The following NXPE3 variants were observed in gnomAD, a reference collection of about 807,000 sequenced individuals.
NXPE3 encodes the protein neurexophilin and PC-esterase domain family member 3, also known as NXPE family member 3.
NXPE3 carries 26 observed loss-of-function variants against 46.1 expected under a neutral mutation model. That is an observed-to-expected ratio of 0.56 (90% CI 0.41 to 0.78). The LOEUF (loss-of-function observed/expected upper bound fraction) is 0.78. Ranked by LOEUF, NXPE3 falls within the 30% of genes least tolerant of loss-of-function variation. NXPE3 has a pLI of 0.00. For missense variants in NXPE3, 620 were observed against 686.0 expected (o/e 0.90, Z 1.07); for synonymous variants, 272 against 257.9 (o/e 1.05, Z -0.52).
intron 5 of NXPE3, 71 bp downstream of exon 5, chr3:101,802,060 T>A: frequency 3.5e-6 from 5 of 1,435,450 alleles, no homozygotes; most frequent in Non-Finnish European, 4.7e-6. Context: ...TTTAGGAGAC[T>A]TTCTGGTATT....
intron 1 of NXPE3, 163 bp from the exon 2 acceptor site, chr3:101,781,947 T>G (rs1055419353): frequency 6.6e-6 from 1 of 152,210 alleles, no homozygotes; most frequent in African/African-American, 2.4e-5. Context: ...TAAATTACTG[T>G]TTTTTATTAG....
At position 101,825,381 on chromosome 3, in the gene NXPE3, G is replaced by A. The variant is rs1576797577; in HGVS notation, c.*3427G>A. 1.3e-5 allele frequency: 2 copies of A among 152,236 alleles called. No individual in the cohort carries two copies. The highest frequency in any genetic ancestry group is 1.3e-4 in the Admixed American group (2 of 15,290). 9.4% of individuals were successfully genotyped at this position (152,236 alleles called of 1,614,324 possible). A position where few individuals can be genotyped will look rare whatever the true frequency, so the allele number is the denominator to read the frequency against. ...GTTTCTTCTGAAAAGTTTATTTTAGGCTAGTGCCACATGGTTGTGAATATT... is the reference window on the plus strand; with the variant it reads ...GTTTCTTCTGAAAAGTTTATTTTAGACTAGTGCCACATGGTTGTGAATATT... On this transcript the variant is annotated 3_prime_UTR_variant, in exon 8 of 8. Coordinates refer to ENST00000273347, the MANE Select transcript of NXPE3 (RefSeq NM_145037.4).
At chr3:101,818,954 C>T (rs1048291595) in intron 7 of NXPE3, among the ~76,000 whole-genome samples, 3 of 150,782 alleles carry the variant, frequency 2.0e-5, no homozygotes, top group African/African-American at 4.9e-5. Flanking sequence ...TTAGTAGAGA[C>T]GGGTTTCACC....
chr3:101,788,624 C>CT (rs989721659), intron 4 of NXPE3, among the ~76,000 whole-genome samples: 10 of 151,282 alleles, frequency 6.6e-5, no homozygotes, highest in Admixed American at 1.3e-4. Flanking sequence ...AGCATTAAGT[C>CT]TTTTTTTTTG....
chr3:101,793,736 T>G (rs1940660686), intron 4 of NXPE3, among the ~76,000 whole-genome samples: 1 of 151,770 alleles, frequency 6.6e-6, no homozygotes, highest in Non-Finnish European at 1.5e-5. Flanking sequence ...TTTATTTTTA[T>G]TTTTGCTTTC....
chr3:101,808,818 G>GATAGATATATATATATAT (rs1553802986), intron 6 of NXPE3, among the ~76,000 whole-genome samples: 1 of 30,814 alleles, frequency 3.2e-5, no homozygotes, highest in African/African-American at 1.2e-4. Flanking sequence ...AATTTTAGAG[G>GATAGATATATATATATAT]ATATATATAT....
Position 101,825,087 on chromosome 3 carries a change from T to C in NXPE3, c.*3133T>C, listed in dbSNP as rs888361177. On this transcript the variant is annotated 3_prime_UTR_variant, in exon 8 of 8. Coordinates refer to ENST00000273347, the MANE Select transcript of NXPE3 (RefSeq NM_145037.4). ...ACGTCATGGGGGTTTGTTGTATAGA[T>C]GATTTCATCACCCAGGTGTTAAGCC... 1 of 152,220 alleles carries C rather than the reference T, an allele frequency of 6.6e-6. No homozygotes were observed. Among genetic ancestry groups the C allele is most frequent in the African/African-American group, 2.4e-5 (1 of 41,462 alleles). The allele number at this position is 152,220 out of a possible 1,614,324, so 9.4% of individuals were successfully genotyped here. A position where few individuals can be genotyped will look rare whatever the true frequency, so the allele number is the denominator to read the frequency against.
At chr3:101,786,788 A>G (rs1192732125) in intron 4 of NXPE3, among the ~76,000 whole-genome samples, 1 of 152,226 alleles carries the variant, frequency 6.6e-6, no homozygotes, top group African/African-American at 2.4e-5. Context: ...GTAAATAACT[A>G]ACATAGAATT....
chr3:101,779,854 G>C (rs999889987), intron 1 of NXPE3: 6 of 152,690 alleles, frequency 3.9e-5, no homozygotes, highest in African/African-American at 1.4e-4. Flanking sequence ...TCACACGGTG[G>C]ACTGTTCTGG....
intron 5 of NXPE3, among the ~76,000 whole-genome samples, chr3:101,804,615 G>T (rs1167116762): frequency 6.6e-6 from 1 of 152,132 alleles, no homozygotes; most frequent in Non-Finnish European, 1.5e-5. Context: ...GGATCTTTGG[G>T]TATACTGTTT....
Position 101,826,999 on chromosome 3 carries a change from C to T in NXPE3, c.*5045C>T, listed in dbSNP as rs1175269930. The T allele has an allele frequency of 2.6e-5, 4 of 152,272 alleles. No homozygotes were observed. Among genetic ancestry groups the T allele is most frequent in the Admixed American group, 6.5e-5 (1 of 15,274 alleles). The allele number at this position is 152,272 out of a possible 1,614,324, so 9.4% of individuals were successfully genotyped here. ...AGTGAGCCGAGATCATGCCATTGCA[C>T]TCTAGCCTGGGCAACGAGAGTGAAA... is the stretch of plus-strand genomic sequence containing the variant. On this transcript the variant is annotated 3_prime_UTR_variant, in exon 8 of 8. Transcript: ENST00000273347.
intron 4 of NXPE3, among the ~76,000 whole-genome samples, chr3:101,790,920 G>A (rs548079129): frequency 6.6e-6 from 1 of 152,032 alleles, no homozygotes; most frequent in East Asian, 1.9e-4. Context: ...AAACCTACTT[G>A]TGTTTTTATA....
chr3:101,813,104 A>G (rs905101375), intron 6 of NXPE3, among the ~76,000 whole-genome samples: 1 of 152,130 alleles, frequency 6.6e-6, no homozygotes, highest in Non-Finnish European at 1.5e-5. Context: ...AACCAGCTCA[A>G]TATACACTAT....
intron 4 of NXPE3, among the ~76,000 whole-genome samples, chr3:101,795,613 C>T (rs1456941069): frequency 5.3e-5 from 8 of 151,350 alleles, no homozygotes; most frequent in Middle Eastern, 3.5e-3. Context: ...TTTATTTCTC[C>T]GATAAACTCT....
In NXPE3 at chr3:101,801,289, GT is replaced by G. The variant is rs1414788380; in HGVS notation, c.151del (p.Ser51ProfsTer4). On this transcript the variant is annotated frameshift_variant, in exon 5 of 8. Transcript: ENST00000273347. LOFTEE classifies it high-confidence loss of function. ...ATFIDSSGQFVSSQVTGISRN... is the reference protein window; with the variant it reads ...ATFIDSSGQFXSSQVTGISRN... ...TTTCATCGACAGCAGTGGACAGTTT[GT>G]TTCCTCCCAGGTGACAGGAATTAGC... is the stretch of plus-strand genomic sequence containing the variant. 6.2e-7 allele frequency: 1 copy of G among 1,614,020 alleles called. No individual in the cohort carries two copies. Among genetic ancestry groups the G allele is most frequent in the Non-Finnish European group, 8.5e-7 (1 of 1,180,022 alleles).
At chr3:101,788,001 C>G (rs1182896389) in intron 4 of NXPE3, among the ~76,000 whole-genome samples, 1 of 152,164 alleles carries the variant, frequency 6.6e-6, no homozygotes, top group Non-Finnish European at 1.5e-5. Flanking sequence ...CATTTTTTAT[C>G]CTTATCAACA....
chr3:101,808,519 T>C (rs970642021), intron 6 of NXPE3, among the ~76,000 whole-genome samples: 10 of 152,100 alleles, frequency 6.6e-5, no homozygotes, highest in African/African-American at 2.4e-4. Context: ...TCTGCTGCTT[T>C]GTTACCATGT....
In NXPE3 at chr3:101,801,595, AAGCTGCAG is replaced by A. The variant is rs1941151875; in HGVS notation, c.455_462del (p.Lys152SerfsTer28). 12 of 1,614,018 alleles carry A rather than the reference AAGCTGCAG, an allele frequency of 7.4e-6. No homozygotes were observed. The highest frequency in any genetic ancestry group is 1.0e-5 in the Non-Finnish European group (12 of 1,180,012). ...CCTGCAGGCCAGAATTCACTCCCTC[AAGCTGCAG>A]GCTGGGGCTGTGGGCAGGGTGGTGG... On this transcript the variant is annotated frameshift_variant, in exon 5 of 8. Transcript: ENST00000273347. LOFTEE classifies it high-confidence loss of function.
At chr3:101,784,381 T>C (rs183171653) in intron 3 of NXPE3, among the ~76,000 whole-genome samples, 138 of 152,288 alleles carry the variant, frequency 9.1e-4, no homozygotes, top group African/African-American at 3.1e-3. Flanking sequence ...TTGGAATGGC[T>C]CACCCTTGTC....
Sources: allele counts gnomAD v4.1 joint callset (sites outside exome capture counted in the v4.1 genomes callset), GRCh38; gene constraint gnomAD v4.1.1; transcripts MANE v1.5; gene names NCBI Gene and HGNC (gene_info 2026-07-23, HGNC 2026-07-21).